Variants in KDM2B observed in about 807,000 individuals in gnomAD.
The protein encoded by KDM2B is lysine-specific demethylase 2B.
KDM2B carries 26 observed loss-of-function variants against 150.0 expected under a neutral mutation model. That is an observed-to-expected ratio of 0.17 (90% CI 0.13 to 0.24). KDM2B has a LOEUF of 0.24. Ranked by LOEUF, KDM2B falls within the 10% of genes least tolerant of loss-of-function variation. The pLI, the probability that KDM2B is intolerant of heterozygous loss-of-function variation, is 1.00. For synonymous variants in KDM2B, 734 were observed against 729.5 expected, an observed-to-expected ratio of 1.01 and a Z score of -0.10; for missense variants, 1,265 against 1,816.9, an observed-to-expected ratio of 0.70 and a Z score of 5.52.
chr12:121,581,141 CAGAA>C (rs1891942673), upstream of KDM2B: 2 of 479,128 alleles, frequency 4.2e-6, no homozygotes, highest in South Asian at 4.2e-5. Flanking sequence ...AGCCCTGAAA[CAGAA>C]GTTGGACATT....
Position 121,549,855 on chromosome 12 carries a change from T to TGGAGGC in KDM2B, c.398-218_398-217insGCCTCC, listed in dbSNP as rs879979903. The stretch of plus-strand genomic sequence containing the variant: ...TGCACCACCATGGCCTCCACGCCAG[T>TGGAGGC]CTGCGATGACCTCAAAAGCTACCTA... On this transcript the variant is annotated intron_variant, in intron 4 of 22. Coordinates refer to ENST00000377071, the MANE Select transcript of KDM2B (RefSeq NM_032590.5). This position sits in a 1 kb window ranked among gnomAD's most constrained non-coding sequence, Gnocchi z 4.4. 0.048 allele frequency among the ~76,000 whole-genome samples: 7,368 copies of TGGAGGC among 152,248 alleles called. 313 individuals carry two copies. The highest frequency in any genetic ancestry group is 0.15 in the South Asian group (702 of 4,830).
At position 121,442,674 on chromosome 12, in the gene KDM2B, C is replaced by T. The variant is rs781873688; in HGVS notation, c.2767G>A (p.Gly923Arg). The part of the protein sequence containing the change: ...SSPTAGPSTE[G>R]AEGPEEKKKV... The stretch of plus-strand genomic sequence containing the variant: ...TTCTTCTCCTCCGGGCCCTCGGCCC[C>T]TTCGGTGCTGGGTCCCGCGGTGGGG... Residue 923 changes from glycine to arginine, a missense_variant, in exon 19 of 23, where the codon GGG (glycine) becomes AGG (arginine). Gly to Arg is a moderately radical substitution (Grantham distance 125, BLOSUM62 -2). This residue lies in a region of KDM2B where 418 missense variants were observed against 402.4 expected (regional missense o/e 1.04). Transcript: ENST00000377071. The surrounding 1 kb of genome is among the most constrained non-coding windows in gnomAD (Gnocchi z 7.7). 11 of 1,605,754 alleles carry T rather than the reference C, an allele frequency of 6.9e-6. No individual in the cohort carries two copies. The highest frequency in any genetic ancestry group is 9.3e-6 in the Non-Finnish European group (11 of 1,177,128).
intron 8 of KDM2B, among the ~76,000 whole-genome samples, chr12:121,526,630 C>T (rs980892347): frequency 5.9e-5 from 9 of 152,122 alleles, no homozygotes; most frequent in Admixed American, 2.0e-4. Context: ...TGTGATAGGA[C>T]GATTGTTTAA....
chr12:121,509,921 G>T lies in KDM2B; in HGVS notation c.1293C>A (p.Gly431=). ...TGGGCGGTTTGGGTGCCCTGTCCCT[G>T]CCCTCGCCCTCCTCGTCCTTCTCCT... ...EEEEKDEEGE[G]RDRAPKPPTD... The change falls in exon 11 of 23, where the codon GGC becomes GGA. Residue 431 remains glycine, a synonymous_variant. Coordinates refer to ENST00000377071, the MANE Select transcript of KDM2B (RefSeq NM_032590.5). 4 of 1,612,276 alleles carry T rather than the reference G, an allele frequency of 2.5e-6. No individual in the cohort carries two copies. Among genetic ancestry groups the T allele is most frequent in the Non-Finnish European group, 3.4e-6 (4 of 1,179,532 alleles).
Position 121,518,523 on chromosome 12 carries a change from G to A in KDM2B, c.1047+2462C>T, listed in dbSNP as rs920067752. On this transcript the variant is annotated intron_variant, in intron 9 of 22. Coordinates refer to ENST00000377071, the MANE Select transcript of KDM2B (RefSeq NM_032590.5). The surrounding 1 kb of genome is among the most constrained non-coding windows in gnomAD (Gnocchi z 4.4). ...GAAGGGACAGTAGGCCCCGGTGGGG[G>A]AGGGGACCTGCCATTCTCAACGAGG... is the stretch of plus-strand genomic sequence containing the variant. 3.9e-5 allele frequency among the ~76,000 whole-genome samples: 6 copies of A among 152,328 alleles called. No homozygotes were observed. Among genetic ancestry groups the A allele is most frequent in the Admixed American group, 3.9e-4 (6 of 15,300 alleles).
intron 12 of KDM2B, among the ~76,000 whole-genome samples, chr12:121,465,579 C>T (rs1315883661): frequency 6.6e-6 from 1 of 152,064 alleles, no homozygotes; most frequent in Non-Finnish European, 1.5e-5. Context: ...GTGGCAGGAC[C>T]CGAAAACATG....
At chr12:121,445,440 G>A (rs782439261) in intron 13 of KDM2B, 22 bp from the exon 14 acceptor site, 1 of 1,573,116 alleles carries the variant, frequency 6.4e-7, no homozygotes, top group Non-Finnish European at 8.6e-7. Flanking sequence ...GGGAGAACAA[G>A]ACAAGTCATC....
At chr12:121,443,631 G>A (rs782333143) in intron 17 of KDM2B, 49 bp downstream of exon 17, 2 of 1,134,326 alleles carry the variant, frequency 1.8e-6, no homozygotes, top group Non-Finnish European at 2.7e-6. Flanking sequence ...GGACAGCCCA[G>A]GACTCGCCAG....
At chr12:121,420,238 G>GT in the KDM2B span, 2 of 1,608,942 alleles carry the variant, frequency 1.2e-6, no homozygotes, top group Non-Finnish European at 1.7e-6. Flanking sequence ...TTGTATAAGT[G>GT]TAGGTACAAA....
intron 8 of KDM2B, among the ~76,000 whole-genome samples, chr12:121,528,658 C>G (rs922073914): frequency 6.6e-6 from 1 of 152,122 alleles, no homozygotes; most frequent in African/African-American, 2.4e-5. Flanking sequence ...GATGACTTGG[C>G]AAGCCAAGCA....
chr12:121,489,266 T>TTTTA (rs1377555636), intron 12 of KDM2B, among the ~76,000 whole-genome samples: 4 of 151,448 alleles, frequency 2.6e-5, no homozygotes, highest in African/African-American at 7.3e-5. Context: ...ATTTTATTTA[T>TTTTA]TTTATTTATT....
intron 11 of KDM2B, among the ~76,000 whole-genome samples, chr12:121,495,883 A>C (rs1883882069): frequency 6.6e-6 from 1 of 151,550 alleles, no homozygotes; most frequent in Non-Finnish European, 1.5e-5. Context: ...TGGCAGAAAA[A>C]TGGGCTGCGT....
the KDM2B span, among the ~76,000 whole-genome samples, chr12:121,412,725 T>C: frequency 9.6e-4 from 118 of 122,460 alleles, 1 homozygote; most frequent in Admixed American, 1.9e-3. Flanking sequence ...ATGTTCATGC[T>C]TTTTTTTTTT....
At chr12:121,482,346 C>G (rs1227352178) in intron 12 of KDM2B, among the ~76,000 whole-genome samples, 3 of 152,014 alleles carry the variant, frequency 2.0e-5, no homozygotes, top group South Asian at 2.1e-4. Context: ...GCTCTATCAC[C>G]AGGCTGGATC....
intron 12 of KDM2B, among the ~76,000 whole-genome samples, chr12:121,482,352 G>A (rs1326463068): frequency 6.6e-6 from 1 of 152,012 alleles, no homozygotes; most frequent in African/African-American, 2.4e-5. Context: ...TCACCAGGCT[G>A]GATCGCCAGG....
chr12:121,516,715 C>A, intron 9 of KDM2B: 1 of 630,214 alleles, frequency 1.6e-6, no homozygotes, highest in South Asian at 1.9e-5. Context: ...TCAGCCCTTC[C>A]TCGGAGGTCC....
At chr12:121,577,754 G>A (rs574583442) in intron 2 of KDM2B, among the ~76,000 whole-genome samples, 168 of 152,358 alleles carry the variant, frequency 1.1e-3, no homozygotes, top group African/African-American at 3.8e-3. Flanking sequence ...AAAGGGAAAA[G>A]GAGTGAAGGG....
In KDM2B at chr12:121,521,211, G is replaced by A; in HGVS notation, c.932-111C>T. The A allele has an allele frequency of 1.4e-6, 1 of 720,532 alleles. No homozygotes were observed. Among genetic ancestry groups the A allele is most frequent in the Non-Finnish European group, 2.4e-6 (1 of 415,092 alleles). The allele number at this position is 720,532 out of a possible 1,614,324, so 44.6% of individuals were successfully genotyped here. A position where few individuals can be genotyped will look rare whatever the true frequency, so the allele number is the denominator to read the frequency against. On this transcript the variant is annotated intron_variant, in intron 8 of 22. Transcript: ENST00000377071. The surrounding 1 kb of genome is among the most constrained non-coding windows in gnomAD (Gnocchi z 4.9). Reference sequence around the variant, plus strand: ...CGTGCAGGAGGGTGCAGGGAGTGGAGAAGAGCAGCCAGGGCCTGGGGCAGC... The same window carrying A: ...CGTGCAGGAGGGTGCAGGGAGTGGAAAAGAGCAGCCAGGGCCTGGGGCAGC...
chr12:121,465,560 C>T (rs1314645723), intron 12 of KDM2B, among the ~76,000 whole-genome samples: 48 of 152,170 alleles, frequency 3.2e-4, no homozygotes, highest in African/African-American at 9.9e-4. Flanking sequence ...ACAGAAGTTT[C>T]TCTCAGGAGT....
Sources: allele counts gnomAD v4.1 joint callset (sites outside exome capture counted in the v4.1 genomes callset), GRCh38; gene constraint gnomAD v4.1.1; regional missense constraint gnomAD v4.1.1; non-coding constraint Gnocchi (gnomAD v3.1); transcripts MANE v1.5; gene names NCBI Gene and HGNC (gene_info 2026-07-23, HGNC 2026-07-21).